ADGRL2: variants seen among roughly 807,000 people sequenced by gnomAD.
ADGRL2 encodes adhesion G protein-coupled receptor L2.
In ADGRL2, 44 loss-of-function variants were observed where a neutral mutation model predicts 157.4. That is an observed-to-expected ratio of 0.28 (90% confidence interval 0.22 to 0.36). The LOEUF (loss-of-function observed/expected upper bound fraction) is 0.36. ADGRL2 is among the 10% of genes least tolerant of loss of function. The pLI is 1.00. For missense variants in ADGRL2, 1,510 were observed against 1,768.9 expected (o/e 0.85, Z 2.63); for synonymous variants, 585 against 624.7 (o/e 0.94, Z 0.95).
At chr1:81,446,190 C>T (rs925041914) in intron 2 of ADGRL2, among the ~76,000 whole-genome samples, 3 of 152,092 alleles carry the variant, frequency 2.0e-5, no homozygotes, top group Non-Finnish European at 2.9e-5. Context: ...GGTGGTGTGA[C>T]GTGTAAAGTG....
chr1:81,856,097 A>T (rs1483906701), intron 2 of ADGRL2, among the ~76,000 whole-genome samples: 1 of 152,136 alleles, frequency 6.6e-6, no homozygotes, highest in African/African-American at 2.4e-5. Context: ...GAAACTGGTC[A>T]TATATAGCAC....
intron 1 of ADGRL2, among the ~76,000 whole-genome samples, chr1:81,710,389 C>T (rs78049612): frequency 0.08 from 12,088 of 151,828 alleles, 560 homozygotes; most frequent in Middle Eastern, 0.11. Flanking sequence ...CTTTGGGAGG[C>T]GGGCAGATCA....
chr1:81,936,881 C>T (rs1206390889), intron 4 of ADGRL2, 44 bp downstream of exon 4: 4 of 1,133,948 alleles, frequency 3.5e-6, no homozygotes, highest in Middle Eastern at 2.0e-4. Flanking sequence ...CCCAGCATTA[C>T]TTGTTGATGC....
At chr1:81,948,100 C>G (rs1260832507) in intron 6 of ADGRL2, among the ~76,000 whole-genome samples, 1 of 151,608 alleles carries the variant, frequency 6.6e-6, no homozygotes, top group East Asian at 1.9e-4. Flanking sequence ...GCCTGTAGAC[C>G]CAGCTACTCG....
At chr1:81,394,644 A>G (rs2076622318) in intron 1 of ADGRL2, among the ~76,000 whole-genome samples, 1 of 152,134 alleles carries the variant, frequency 6.6e-6, no homozygotes, top group Admixed American at 6.5e-5. Context: ...CCATATCTTG[A>G]CTATTGTGAA....
chr1:81,632,713 C>G (rs35878931), intron 3 of ADGRL2, among the ~76,000 whole-genome samples: 43,511 of 150,200 alleles, frequency 0.29, 6,377 homozygotes, highest in East Asian at 0.33. Context: ...GAGCCGAGAT[C>G]GTGCCACTGC....
intron 1 of ADGRL2, among the ~76,000 whole-genome samples, chr1:81,710,689 T>A (rs901317771): frequency 6.7e-6 from 1 of 150,362 alleles, no homozygotes; most frequent in Non-Finnish European, 1.5e-5. Flanking sequence ...ATTTACCACG[T>A]TAGAAATTAA....
chr1:81,823,346 C>A (rs1384733806), intron 1 of ADGRL2, among the ~76,000 whole-genome samples: 3 of 141,066 alleles, frequency 2.1e-5, no homozygotes, highest in Non-Finnish European at 4.7e-5. Flanking sequence ...CTTCTTCCCT[C>A]CCTCCTTCCC....
At chr1:81,655,214 A>T (rs1261434691) in intron 3 of ADGRL2, among the ~76,000 whole-genome samples, 2 of 152,106 alleles carry the variant, frequency 1.3e-5, no homozygotes, top group Non-Finnish European at 2.9e-5. Flanking sequence ...GTTAGCCAGG[A>T]TGATCTCGAT....
Position 81,990,676 on chromosome 1 carries a change from A to G in ADGRL2, c.3941A>G (p.Asp1314Gly). ...SSSEDDAIVA[D>G]ASSLMHSDNP... ...AGTGAAGATGATGCTATTGTGGCAG[A>G]TGCTTCATCTTTAATGCACAGCGAC... The change falls in exon 24 of 24, where the codon GAT becomes GGT. Residue 1314 changes from aspartate to glycine, a missense_variant. Asp to Gly is a moderately conservative substitution (Grantham distance 94, BLOSUM62 -1). This residue lies in a region of ADGRL2 where 327 missense variants were observed against 310.1 expected (regional missense o/e 1.05). Transcript: ENST00000686636. 1.9e-6 allele frequency: 3 copies of G among 1,614,170 alleles called. No individual in the cohort carries two copies. Among genetic ancestry groups the G allele is most frequent in the African/African-American group, 2.7e-5 (2 of 75,044 alleles).
chr1:81,986,137 C>T (rs1663074494), intron 21 of ADGRL2, among the ~76,000 whole-genome samples: 1 of 152,018 alleles, frequency 6.6e-6, no homozygotes, highest in Non-Finnish European at 1.5e-5. Flanking sequence ...CTATGCAAAA[C>T]ATAATCAGTA....
intron 2 of ADGRL2, among the ~76,000 whole-genome samples, chr1:81,483,790 T>C (rs1033148203): frequency 3.9e-5 from 6 of 152,176 alleles, no homozygotes; most frequent in Admixed American, 6.5e-5. Flanking sequence ...ATAAAACTTT[T>C]AATAGACATG....
intron 1 of ADGRL2, among the ~76,000 whole-genome samples, chr1:81,418,755 A>G (rs1313531572): frequency 6.6e-6 from 1 of 152,202 alleles, no homozygotes; most frequent in Admixed American, 6.5e-5. Context: ...CTCCATCTCA[A>G]AAACAAAAAC....
At position 81,943,067 on chromosome 1, in the gene ADGRL2, G is replaced by T. The variant is rs754013841; in HGVS notation, c.508G>T (p.Ala170Ser). ...TGCTTGGTGCAAGGACCCTCTTCAG[G>T]CTGCAGATAAAATTTATTTCATGCC... ...AGAWCKDPLQ[A>S]ADKIYFMPWT... Residue 170 changes from alanine (A) to serine (S), a missense_variant, in exon 6 of 24, where the codon GCT (alanine) becomes TCT (serine). Ala to Ser is a moderately conservative substitution (Grantham distance 99). This residue lies in a region of ADGRL2 where 361 missense variants were observed against 498.4 expected (regional missense o/e 0.72). Coordinates refer to ENST00000686636, the MANE Select transcript of ADGRL2 (RefSeq NM_001366006.2). This position sits in a 1 kb window ranked among gnomAD's most constrained non-coding sequence, Gnocchi z 5.6. 6.2e-7 allele frequency: 1 copy of T among 1,613,318 alleles called. No homozygotes were observed. Among genetic ancestry groups the T allele is most frequent in the Non-Finnish European group, 8.5e-7 (1 of 1,179,500 alleles).
chr1:81,987,363 C>T (rs1335198915), intron 22 of ADGRL2: 1 of 1,378,446 alleles, frequency 7.3e-7, no homozygotes, highest in Admixed American at 1.7e-5. Context: ...ATATAATATA[C>T]TGTTCAGTTA....
intron 1 of ADGRL2, among the ~76,000 whole-genome samples, chr1:81,389,868 TAAAAAACA>T (rs2076502421): frequency 6.6e-6 from 1 of 151,890 alleles, no homozygotes; most frequent in Non-Finnish European, 1.5e-5. Flanking sequence ...AGATTTAATT[TAAAAAACA>T]AAAAAAGAAA....
intron 2 of ADGRL2, among the ~76,000 whole-genome samples, chr1:81,459,018 T>G (rs2077866251): frequency 6.6e-6 from 1 of 151,914 alleles, no homozygotes; most frequent in Non-Finnish European, 1.5e-5. Flanking sequence ...GATCTGAGAG[T>G]GGGTAACCCT....
intron 3 of ADGRL2, among the ~76,000 whole-genome samples, chr1:81,657,363 C>A (rs1297788394): frequency 6.6e-6 from 1 of 152,198 alleles, no homozygotes; most frequent in Non-Finnish European, 1.5e-5. Context: ...CCTCACCAGA[C>A]ACCAAATCTG....
intron 1 of ADGRL2, among the ~76,000 whole-genome samples, chr1:81,717,893 G>A (rs1207032624): frequency 6.6e-6 from 1 of 152,150 alleles, no homozygotes; most frequent in Non-Finnish European, 1.5e-5. Flanking sequence ...GTCTCTAGAG[G>A]CTAGTCTTTT....
Sources: gnomAD v4.1 joint callset for allele counts (sites outside exome capture counted in the v4.1 genomes callset) on GRCh38, gnomAD v4.1.1 for gene constraint, gnomAD v4.1.1 regional missense constraint, Gnocchi (gnomAD v3.1) non-coding constraint, MANE v1.5 for transcripts, NCBI Gene and HGNC (gene_info 2026-07-23, HGNC 2026-07-21) for gene names.